The following SNAI3 variants were observed in gnomAD, a reference collection of about 807,000 sequenced individuals.
SNAI3 encodes the protein snail family transcriptional repressor 3.
A neutral mutation model predicts 16.4 loss-of-function variants in SNAI3; 21 were observed. The ratio of observed to expected loss-of-function variants is 1.28; its 90% confidence interval spans 0.91 to 1.85. The LOEUF (loss-of-function observed/expected upper bound fraction) is 1.85, where lower values mean the gene tolerates loss of function less well. Among genes scored for constraint, SNAI3 ranks in the 40% most tolerant of loss-of-function variants. The pLI is 0.00. For synonymous variants in SNAI3, 202 were observed against 166.6 expected (o/e 1.21, Z -1.64); for missense variants, 457 against 372.8 (o/e 1.23, Z -1.86).
Position 88,678,521 on chromosome 16 carries a change from C to T in SNAI3, c.806G>A (p.Arg269His), listed in dbSNP as rs772158329. 34 of 789,782 alleles carry T rather than the reference C, an allele frequency of 4.3e-5. No homozygotes were observed. The highest frequency in any genetic ancestry group is 4.0e-5 in the South Asian group (3 of 74,806). The allele number at this position is 789,782 out of a possible 1,614,324, so 48.9% of individuals were successfully genotyped here. Reference protein sequence around the residue: ...HSDAKKYRCRRCTKTFSRMSL... With the variant: ...HSDAKKYRCRHCTKTFSRMSL... Reference sequence around the variant, plus strand: ...CATGCGGGAGAAGGTCTTGGTGCAGCGCCGGCACCGGTACTTCTTGGCGTC... The same window carrying T: ...CATGCGGGAGAAGGTCTTGGTGCAGTGCCGGCACCGGTACTTCTTGGCGTC... The change falls in exon 3 of 3, where the codon CGC (arginine) becomes CAC (histidine). Residue 269 changes from arginine to histidine, a missense_variant. Physicochemically the swap from Arg to His is conservative, Grantham distance 29 (BLOSUM62 0). Transcript: ENST00000332281.
intron 1 of SNAI3, among the ~76,000 whole-genome samples, chr16:88,683,437 G>A (rs1174281478): frequency 6.6e-6 from 1 of 151,418 alleles, no homozygotes; most frequent in Admixed American, 6.6e-5. Flanking sequence ...TGTATTCTTA[G>A]TAGAGACAGG....
chr16:88,680,771 T>A (rs546550708), intron 2 of SNAI3, among the ~76,000 whole-genome samples: 1 of 151,122 alleles, frequency 6.6e-6, no homozygotes, highest in African/African-American at 2.4e-5. Context: ...GCTGTTTGGA[T>A]TTTTAGTAGA....
intron 2 of SNAI3, among the ~76,000 whole-genome samples, chr16:88,680,501 TCTCAAA>T (rs1472139327): frequency 6.6e-6 from 1 of 152,108 alleles, no homozygotes; most frequent in Non-Finnish European, 1.5e-5. Context: ...GCCAGGCTGG[TCTCAAA>T]CTCATGACCT....
At chr16:88,686,219 C>T in intron 1 of SNAI3, 112 bp downstream of exon 1, 1 of 1,353,480 alleles carries the variant, frequency 7.4e-7, no homozygotes, top group East Asian at 2.7e-5. Context: ...GGCTCCTTCT[C>T]CTCCCACCTG....
chr16:88,681,998 C>T lies in SNAI3; in HGVS notation c.77-284G>A, dbSNP rs570457354. Among the ~76,000 whole-genome samples the T allele has an allele frequency of 6.6e-6, 1 of 152,296 alleles. No individual in the cohort carries two copies. Among genetic ancestry groups the T allele is most frequent in the South Asian group, 2.1e-4 (1 of 4,828 alleles). On this transcript the variant is annotated intron_variant, in intron 1 of 2. Coordinates refer to ENST00000332281, the MANE Select transcript of SNAI3 (RefSeq NM_178310.4). This position sits in a 1 kb window ranked among gnomAD's most constrained non-coding sequence, Gnocchi z 5.4. ...ACACAAAGAAACATCTGACGGGACC[C>T]TTTGTGTTCAGGAACATGAAACAGG...
Position 88,678,562 on chromosome 16 carries a change from A to T in SNAI3, c.765T>A (p.His255Gln), listed in dbSNP as rs1479494409. The change falls in exon 3 of 3, where the codon CAT becomes CAA. Residue 255 changes from histidine (H) to glutamine (Q), a missense_variant. Transcript: ENST00000332281. ...TCTTGGCGTCTGAGTGCGTTTGCAG[A>T]TGGGCCCGAAGGTTGGAGCGGTCGG... The part of the protein sequence containing the change: ...AFADRSNLRA[H>Q]LQTHSDAKKY... 1 of 850,102 alleles carries T rather than the reference A, an allele frequency of 1.2e-6. No individual in the cohort carries two copies. The highest frequency in any genetic ancestry group is 2.1e-6 in the Non-Finnish European group (1 of 483,216). The allele number at this position is 850,102 out of a possible 1,614,324, so 52.7% of individuals were successfully genotyped here. A position where few individuals can be genotyped will look rare whatever the true frequency, so the allele number is the denominator to read the frequency against.
At chr16:88,682,985 G>A (rs553140046) in intron 1 of SNAI3, among the ~76,000 whole-genome samples, 8 of 151,032 alleles carry the variant, frequency 5.3e-5, no homozygotes, top group Admixed American at 5.3e-4. Flanking sequence ...CACTGTGTTA[G>A]CCAGAATGGT....
chr16:88,681,036 G>A lies in SNAI3; in HGVS notation c.697+58C>T, dbSNP rs758485886. 56 of 1,562,896 alleles carry A rather than the reference G, an allele frequency of 3.6e-5. No individual in the cohort carries two copies. Among genetic ancestry groups the A allele is most frequent in the Non-Finnish European group, 4.2e-5 (48 of 1,149,806 alleles). On this transcript the variant is annotated intron_variant, in intron 2 of 2. Coordinates refer to ENST00000332281, the MANE Select transcript of SNAI3 (RefSeq NM_178310.4). This position sits in a 1 kb window ranked among gnomAD's most constrained non-coding sequence, Gnocchi z 5.4. ...CACCCCTCCTCCTTTTCTAACTCCC[G>A]CAGCCCACCCTCTTCCCCCAGCCCA...
chr16:88,679,549 C>T (rs926114725), intron 2 of SNAI3, among the ~76,000 whole-genome samples: 1 of 148,378 alleles, frequency 6.7e-6, no homozygotes. Flanking sequence ...ATCACGAGGT[C>T]AGGAGATCGA....
chr16:88,683,084 CTT>C (rs35518035), intron 1 of SNAI3, among the ~76,000 whole-genome samples: 6 of 98,874 alleles, frequency 6.1e-5, no homozygotes, highest in African/African-American at 1.2e-4. Context: ...GCCCCCCACC[CTT>C]TTTTTTTTTT....
rs1330907486 is a variant in SNAI3 at position 88,686,394 on chromosome 16, A to C, written c.13T>G (p.Phe5Val). The C allele has an allele frequency of 1.2e-6, 2 of 1,610,946 alleles. No homozygotes were observed. The highest frequency in any genetic ancestry group is 2.7e-5 in the African/African-American group (2 of 74,878). MPRS[F>V]LVKTHSSHRV... is the part of the protein sequence containing the mutation. ...TGGCTGGAGTGCGTTTTCACCAGGA[A>C]GGAGCGCGGCATGTTCCCCTCCCGG... Residue 5 changes from phenylalanine (F) to valine (V), a missense_variant, in exon 1 of 3, where the codon TTC becomes GTC. Physicochemically the swap from Phe to Val is conservative, Grantham distance 50. Transcript: ENST00000332281.
At position 88,681,292 on chromosome 16, in the gene SNAI3, G is replaced by C. The variant is rs758401834; in HGVS notation, c.499C>G (p.Leu167Val). The C allele has an allele frequency of 7.4e-6, 12 of 1,613,176 alleles. 1 individual carries two copies. Among genetic ancestry groups the C allele is most frequent in the African/African-American group, 2.7e-5 (2 of 74,932 alleles). Residue 167 changes from leucine (L) to valine (V), a missense_variant, in exon 2 of 3, where the codon CTG becomes GTG. Physicochemically the swap from Leu to Val is conservative, Grantham distance 32. Coordinates refer to ENST00000332281, the MANE Select transcript of SNAI3 (RefSeq NM_178310.4). This position sits in a 1 kb window ranked among gnomAD's most constrained non-coding sequence, Gnocchi z 5.4. Reference sequence around the variant, plus strand: ...CAGTGCAGCTGCCGGTGCCTGGCCAGCCCGGCCAGCGTGTGGTAGGGTTTG... The same window carrying C: ...CAGTGCAGCTGCCGGTGCCTGGCCACCCCGGCCAGCGTGTGGTAGGGTTTG... ...CHKPYHTLAG[L>V]ARHRQLHCHL...
intron 2 of SNAI3, chr16:88,679,174 G>A: frequency 1.1e-6 from 1 of 875,554 alleles, no homozygotes; most frequent in Non-Finnish European, 1.4e-6. Context: ...GAGGGGCCCA[G>A]AGCACCTGCA....
rs1909057175 is a variant in SNAI3, at chr16:88,678,603, A to G, written c.724T>C (p.Cys242Arg). The change falls in exon 3 of 3, where the codon TGC becomes CGC. Residue 242 changes from cysteine to arginine, a missense_variant. Physicochemically the swap from Cys to Arg is radical, Grantham distance 180 (BLOSUM62 -3). Coordinates refer to ENST00000332281, the MANE Select transcript of SNAI3 (RefSeq NM_178310.4). ...GAGCGGTCGGCAAAGGCCCTGCTGC[A>G]GTGCGAGCAGGCATAGGGCTTCTCC... Reference protein sequence around the residue: ...TGEKPYACSHCSRAFADRSNL... With the variant: ...TGEKPYACSHRSRAFADRSNL... 9.0e-7 allele frequency: 1 copy of G among 1,106,116 alleles called. No individual in the cohort carries two copies. Among genetic ancestry groups the G allele is most frequent in the Non-Finnish European group, 1.4e-6 (1 of 719,482 alleles). 68.5% of individuals were successfully genotyped at this position (1,106,116 alleles called of 1,614,324 possible).
rs1160956896 is a variant in SNAI3 at position 88,677,902 on chromosome 16, AGTGT to A, written c.*542_*545del. 1 of 153,268 alleles carries A rather than the reference AGTGT, an allele frequency of 6.5e-6. No individual in the cohort carries two copies. The highest frequency in any genetic ancestry group is 1.9e-4 in the East Asian group (1 of 5,206). 9.5% of individuals were successfully genotyped at this position (153,268 alleles called of 1,614,324 possible). A position where few individuals can be genotyped will look rare whatever the true frequency, so the allele number is the denominator to read the frequency against. On this transcript the variant is annotated 3_prime_UTR_variant, in exon 3 of 3. Transcript: ENST00000332281. The stretch of plus-strand genomic sequence containing the variant: ...GAGGGCACGTGTGTGTACATGTTTG[AGTGT>A]GTGTGCACATGCACATAGACGTGTG...
In SNAI3 at chr16:88,681,645, G is replaced by C; in HGVS notation, c.146C>G (p.Pro49Arg). The change falls in exon 2 of 3, where the codon CCT (proline) becomes CGT (arginine). Residue 49 changes from proline to arginine, a missense_variant. Transcript: ENST00000332281. The surrounding 1 kb of genome is among the most constrained non-coding windows in gnomAD (Gnocchi z 5.4). ...CTGGGGAAGGTCACCGGGCACAGAA[G>C]GGGCCTCCTTGTCTCGGGGGAGGAG... is the stretch of plus-strand genomic sequence containing the variant. ...VPLLPRDKEA[P>R]SVPGDLPQPW... The C allele has an allele frequency of 6.8e-7, 1 of 1,473,200 alleles. No homozygotes were observed. The highest frequency in any genetic ancestry group is 1.4e-5 in the African/African-American group (1 of 70,880). The allele number at this position is 1,473,200 out of a possible 1,614,324, so 91.3% of individuals were successfully genotyped here.
Position 88,686,423 on chromosome 16 carries a change from G to C in SNAI3, c.-17C>G, listed in dbSNP as rs769261869. 3 of 1,607,410 alleles carry C rather than the reference G, an allele frequency of 1.9e-6. No individual in the cohort carries two copies. The East Asian group carries it at 6.7e-5, about 36-fold the overall frequency. On this transcript the variant is annotated 5_prime_UTR_variant, in exon 1 of 3. Transcript: ENST00000332281. ...GCGCGGCATGTTCCCCTCCCGGGCG[G>C]CAGGCCGGGGTGGGCTGGGGCGGGA... is the stretch of plus-strand genomic sequence containing the variant.
Position 88,681,233 on chromosome 16 carries a change from C to T in SNAI3, c.558G>A (p.Lys186=), listed in dbSNP as rs150708380. Residue 186 remains lysine (K), a synonymous_variant, in exon 2 of 3, where the codon AAG becomes AAA. Coordinates refer to ENST00000332281, the MANE Select transcript of SNAI3 (RefSeq NM_178310.4). The surrounding 1 kb of genome is among the most constrained non-coding windows in gnomAD (Gnocchi z 5.4). ...HLQVGRVFTC[K]YCDKEYTSLG... ...GGCTGGTGTACTCCTTGTCGCAGTA[C>T]TTGCAGGTGAAGACACGCCCCACCT... The T allele has an allele frequency of 1.7e-5, 27 of 1,613,790 alleles. 1 individual carries two copies. In the Middle Eastern group the frequency reaches 6.6e-4, roughly 39 times the overall value.
intron 1 of SNAI3, among the ~76,000 whole-genome samples, chr16:88,683,444 CAG>C (rs1909250103): frequency 6.6e-6 from 1 of 151,674 alleles, no homozygotes; most frequent in Admixed American, 6.6e-5. Flanking sequence ...TTAGTAGAGA[CAG>C]GGTTTTACCA....
Sources: allele counts gnomAD v4.1 joint callset (sites outside exome capture counted in the v4.1 genomes callset), GRCh38; gene constraint gnomAD v4.1.1; non-coding constraint Gnocchi (gnomAD v3.1); transcripts MANE v1.5; gene names NCBI Gene and HGNC (gene_info 2026-07-23, HGNC 2026-07-21).